Variants in IL2RA observed in about 807,000 individuals in gnomAD.
IL2RA encodes the protein interleukin 2 receptor subunit alpha.
A neutral mutation model predicts 37.8 loss-of-function variants in IL2RA; 24 were observed. The observed-to-expected ratio is 0.63, with a 90% CI of 0.46 to 0.89. IL2RA has a LOEUF of 0.89. IL2RA is among the 40% of genes least tolerant of loss of function. The pLI, the probability that IL2RA is intolerant of heterozygous loss-of-function variation, is 0.00. For synonymous variants in IL2RA, 125 were observed against 114.6 expected (o/e 1.09, Z -0.58); for missense variants, 319 against 348.6 (o/e 0.92, Z 0.68).
intron 5 of IL2RA, 26 bp downstream of exon 5, chr10:6,019,844 G>T: frequency 6.2e-7 from 1 of 1,608,010 alleles, no homozygotes; most frequent in Non-Finnish European, 8.5e-7. Context: ...AGGCCTCTGT[G>T]GTCCAGCGTT....
At chr10:6,052,953 A>AC (rs976722285) in intron 1 of IL2RA, among the ~76,000 whole-genome samples, 4 of 152,128 alleles carry the variant, frequency 2.6e-5, no homozygotes, top group African/African-American at 9.6e-5. Context: ...GAGAACCCAG[A>AC]CCCCAAGGAC....
intron 1 of IL2RA, 190 bp from the exon 2 acceptor site, chr10:6,026,215 A>G: frequency 1.6e-6 from 1 of 631,298 alleles, no homozygotes; most frequent in East Asian, 2.8e-5. Flanking sequence ...AGCTGGCTCA[A>G]AAATTAACTA....
intron 4 of IL2RA, 57 bp from the exon 5 acceptor site, chr10:6,019,998 TCCCA>T: frequency 6.8e-7 from 1 of 1,462,390 alleles, no homozygotes; most frequent in Non-Finnish European, 9.6e-7. Flanking sequence ...AGGGCCTCAC[TCCCA>T]CCCCGCCTGC....
rs1839537916 is a variant in IL2RA, at chr10:6,029,270, T to C, written c.65-3245A>G. ...ACCTCTGCCCCCCGGGTTCAAGCGA[T>C]TCTCCTGCCTCAGCCTCCCAAGTAG... On this transcript the variant is annotated intron_variant, in intron 1 of 7. Transcript: ENST00000379959. This position sits in a 1 kb window ranked among gnomAD's most constrained non-coding sequence, Gnocchi z 4.6. Among the ~76,000 whole-genome samples, 1 of 151,200 alleles carries C rather than the reference T, an allele frequency of 6.6e-6. No individual in the cohort carries two copies. Among genetic ancestry groups the C allele is most frequent in the African/African-American group, 2.4e-5 (1 of 41,142 alleles).
chr10:6,057,016 C>G lies in IL2RA; in HGVS notation c.64+5072G>C, dbSNP rs1180252059. 6.6e-6 allele frequency among the ~76,000 whole-genome samples: 1 copy of G among 152,206 alleles called. No individual in the cohort carries two copies. ...GGAAATTTACCAGTCCCTCAGGGCTCCCTTTCCATGTCACCCTCATGAAGC... is the reference window on the plus strand; with the variant it reads ...GGAAATTTACCAGTCCCTCAGGGCTGCCTTTCCATGTCACCCTCATGAAGC... On this transcript the variant is annotated intron_variant, in intron 1 of 7. Coordinates refer to ENST00000379959, the MANE Select transcript of IL2RA (RefSeq NM_000417.3). This position sits in a 1 kb window ranked among gnomAD's most constrained non-coding sequence, Gnocchi z 4.8.
At chr10:6,037,251 G>A (rs761269850) in intron 1 of IL2RA, among the ~76,000 whole-genome samples, 2 of 152,098 alleles carry the variant, frequency 1.3e-5, no homozygotes, top group Non-Finnish European at 1.5e-5. Context: ...ACTTTTTGTC[G>A]TTATTTTTTT....
At chr10:6,061,070 A>G (rs1341386869) in intron 1 of IL2RA, among the ~76,000 whole-genome samples, 3 of 152,286 alleles carry the variant, frequency 2.0e-5, no homozygotes, top group African/African-American at 7.2e-5. Context: ...TTTGAGGTAG[A>G]AGTTGGTGGT....
chr10:6,047,508 C>T lies in IL2RA; in HGVS notation c.64+14580G>A, dbSNP rs900157957. 6.6e-6 allele frequency among the ~76,000 whole-genome samples: 1 copy of T among 152,188 alleles called. No homozygotes were observed. The highest frequency in any genetic ancestry group is 1.5e-5 in the Non-Finnish European group (1 of 68,036). ...CAATCACGTCAGCTGAGACGCAACA[C>T]ACTGCATGCCGAACACACAGGAGAG... On this transcript the variant is annotated intron_variant, in intron 1 of 7. Coordinates refer to ENST00000379959, the MANE Select transcript of IL2RA (RefSeq NM_000417.3). The surrounding 1 kb of genome is among the most constrained non-coding windows in gnomAD (Gnocchi z 5.0).
Position 6,022,320 on chromosome 10 carries a change from C to A in IL2RA, c.368-627G>T, listed in dbSNP as rs1428384913. On this transcript the variant is annotated intron_variant, in intron 3 of 7. Coordinates refer to ENST00000379959, the MANE Select transcript of IL2RA (RefSeq NM_000417.3). The surrounding 1 kb of genome is among the most constrained non-coding windows in gnomAD (Gnocchi z 4.7). The stretch of plus-strand genomic sequence containing the variant: ...CCACACCTGAAGGTTGACACACATG[C>A]GCCCTTTCAAGACGTCTCAAAATTT... 2.0e-5 allele frequency among the ~76,000 whole-genome samples: 3 copies of A among 152,170 alleles called. No homozygotes were observed. Among genetic ancestry groups the A allele is most frequent in the African/African-American group, 4.8e-5 (2 of 41,434 alleles).
rs756213567 is a variant in IL2RA at position 6,012,567 on chromosome 10, C to G, written c.*305G>C. On this transcript the variant is annotated 3_prime_UTR_variant, in exon 8 of 8. Transcript: ENST00000379959. The surrounding 1 kb of genome is among the most constrained non-coding windows in gnomAD (Gnocchi z 4.8). The stretch of plus-strand genomic sequence containing the variant: ...TGGAGAGAGTTCCATACCATTCATG[C>G]TTTAATGAACACATATACATGAAAA... 2.0e-6 allele frequency: 1 copy of G among 503,500 alleles called. No individual in the cohort carries two copies. The highest frequency in any genetic ancestry group is 3.6e-6 in the Non-Finnish European group (1 of 276,460). The allele number at this position is 503,500 out of a possible 1,614,324, so 31.2% of individuals were successfully genotyped here.
intron 1 of IL2RA, among the ~76,000 whole-genome samples, chr10:6,050,569 G>T (rs542898548): frequency 6.6e-6 from 1 of 152,126 alleles, no homozygotes; most frequent in African/African-American, 2.4e-5. Flanking sequence ...TCTTGAACCC[G>T]GGAGGCAGAG....
chr10:6,050,507 G>A (rs1413759717), intron 1 of IL2RA, among the ~76,000 whole-genome samples: 3 of 152,280 alleles, frequency 2.0e-5, no homozygotes, highest in East Asian at 3.9e-4. Context: ...CAGGCATGGC[G>A]ATGGGGCATG....
In IL2RA at chr10:6,054,201, C is replaced by T. The variant is rs28538974; in HGVS notation, c.64+7887G>A. ...GCGGAGCTGCTGGTCAAAAACCCCC[C>T]GGGGAACTGGTTGGGTGTGGGAGTG... On this transcript the variant is annotated intron_variant, in intron 1 of 7. Coordinates refer to ENST00000379959, the MANE Select transcript of IL2RA (RefSeq NM_000417.3). The surrounding 1 kb of genome is among the most constrained non-coding windows in gnomAD (Gnocchi z 4.5). Among the ~76,000 whole-genome samples, 1 of 152,200 alleles carries T rather than the reference C, an allele frequency of 6.6e-6. No homozygotes were observed. Among genetic ancestry groups the T allele is most frequent in the African/African-American group, 2.4e-5 (1 of 41,450 alleles).
rs1279010479 is a variant in IL2RA at position 6,036,621 on chromosome 10, G to T, written c.65-10596C>A. 6.6e-6 allele frequency among the ~76,000 whole-genome samples: 1 copy of T among 152,148 alleles called. No homozygotes were observed. Among genetic ancestry groups the T allele is most frequent in the African/African-American group, 2.4e-5 (1 of 41,428 alleles). On this transcript the variant is annotated intron_variant, in intron 1 of 7. Transcript: ENST00000379959. This position sits in a 1 kb window ranked among gnomAD's most constrained non-coding sequence, Gnocchi z 6.1. The stretch of plus-strand genomic sequence containing the variant: ...TTATGAGCCCTCTTTCTTCGATTTT[G>T]CCACATACCCGCAGCTGCACTCCCA...
chr10:6,012,655 T>C lies in IL2RA; in HGVS notation c.*217A>G. ...CAACGGCGAAATTGCTATTTAGAAG[T>C]GGGTAGCGCTCGCTCTCTGATGGGA... On this transcript the variant is annotated 3_prime_UTR_variant, in exon 8 of 8. Transcript: ENST00000379959. The surrounding 1 kb of genome is among the most constrained non-coding windows in gnomAD (Gnocchi z 4.8). 1 of 611,088 alleles carries C rather than the reference T, an allele frequency of 1.6e-6. No homozygotes were observed. The highest frequency in any genetic ancestry group is 2.9e-6 in the Non-Finnish European group (1 of 339,536). 37.9% of individuals were successfully genotyped at this position (611,088 alleles called of 1,614,324 possible). A position where few individuals can be genotyped will look rare whatever the true frequency, so the allele number is the denominator to read the frequency against.
rs1417849837 is a variant in IL2RA at position 6,028,771 on chromosome 10, G to A, written c.65-2746C>T. Among the ~76,000 whole-genome samples, 1 of 152,176 alleles carries A rather than the reference G, an allele frequency of 6.6e-6. No homozygotes were observed. Among genetic ancestry groups the A allele is most frequent in the Non-Finnish European group, 1.5e-5 (1 of 68,026 alleles). On this transcript the variant is annotated intron_variant, in intron 1 of 7. Coordinates refer to ENST00000379959, the MANE Select transcript of IL2RA (RefSeq NM_000417.3). The surrounding 1 kb of genome is among the most constrained non-coding windows in gnomAD (Gnocchi z 4.1). ...CCAGCACTTTGGGGCGACAAGGCAG[G>A]CGGATCATCTGAGGTCAGGAGTTCC...
At chr10:6,042,847 A>C (rs1839792942) in intron 1 of IL2RA, among the ~76,000 whole-genome samples, 1 of 152,212 alleles carries the variant, frequency 6.6e-6, no homozygotes, top group East Asian at 1.9e-4. Context: ...AAAATGTTAA[A>C]ATTTCCCTAT....
At position 6,033,193 on chromosome 10, in the gene IL2RA, A is replaced by G. The variant is rs967436286; in HGVS notation, c.65-7168T>C. Among the ~76,000 whole-genome samples the G allele has an allele frequency of 6.6e-6, 1 of 152,168 alleles. No individual in the cohort carries two copies. The highest frequency in any genetic ancestry group is 2.4e-5 in the African/African-American group (1 of 41,448). ...GGAGTTTGAGACCAGCCCGGTCAAC[A>G]TGGCGAAACCCTTTCTCTACTAAGG... On this transcript the variant is annotated intron_variant, in intron 1 of 7. Coordinates refer to ENST00000379959, the MANE Select transcript of IL2RA (RefSeq NM_000417.3). This position sits in a 1 kb window ranked among gnomAD's most constrained non-coding sequence, Gnocchi z 4.3.
rs746484331 is a variant in IL2RA, at chr10:6,021,443, G to A, written c.583+35C>T. On this transcript the variant is annotated intron_variant, in intron 4 of 7. Transcript: ENST00000379959. The surrounding 1 kb of genome is among the most constrained non-coding windows in gnomAD (Gnocchi z 4.9). The stretch of plus-strand genomic sequence containing the variant: ...ACTCTGGTCAGCCTGATGGAGCAAA[G>A]CAACATTGTGGACCCCAGAAGGGAG... 5.7e-6 allele frequency: 9 copies of A among 1,568,296 alleles called. No individual in the cohort carries two copies. Among genetic ancestry groups the A allele is most frequent in the Non-Finnish European group, 7.9e-6 (9 of 1,139,654 alleles).
Sources: allele counts gnomAD v4.1 joint callset (sites outside exome capture counted in the v4.1 genomes callset), GRCh38; gene constraint gnomAD v4.1.1; non-coding constraint Gnocchi (gnomAD v3.1); transcripts MANE v1.5; gene names NCBI Gene and HGNC (gene_info 2026-07-23, HGNC 2026-07-21).